The following PLCB4 variants were observed in gnomAD, a reference collection of about 807,000 sequenced individuals.
PLCB4 encodes the protein 1-phosphatidylinositol 4,5-bisphosphate phosphodiesterase beta-4.
In PLCB4, 77 loss-of-function variants were observed where a neutral mutation model predicts 178.8. That is an observed-to-expected ratio of 0.43 (90% CI 0.36 to 0.52). The LOEUF (loss-of-function observed/expected upper bound fraction) is 0.52. Among genes scored for constraint, PLCB4 ranks in the 20% least tolerant of loss-of-function variants. The pLI is 0.00. For missense variants in PLCB4, 1,024 were observed against 1,453.4 expected (o/e 0.70, Z 4.80); for synonymous variants, 496 against 490.8 (o/e 1.01, Z -0.14).
In PLCB4 at chr20:9,409,116, ATTACATGCCTCAGAT is replaced by A. The variant is rs2046594062; in HGVS notation, c.1937_1951del (p.Tyr646_Ile650del). The A allele has an allele frequency of 6.2e-7, 1 of 1,608,166 alleles. No homozygotes were observed. Among genetic ancestry groups the A allele is most frequent in the Non-Finnish European group, 8.5e-7 (1 of 1,178,678 alleles). On this transcript the variant is annotated inframe_deletion, in exon 24 of 40. Transcript: ENST00000378473. ...AAGGGAGGCCGAGTCGATTCCAGTA[ATTACATGCCTCAGAT>A]TTTCTGGAACGCTGGCTGCCAGATG...
intron 26 of PLCB4, among the ~76,000 whole-genome samples, chr20:9,420,559 C>T (rs2040561776): frequency 6.6e-6 from 1 of 152,076 alleles, no homozygotes; most frequent in Non-Finnish European, 1.5e-5. Flanking sequence ...AAACTCCTAA[C>T]CTCAGGTGAT....
chr20:9,303,993 T>C (rs1291872402), intron 3 of PLCB4, among the ~76,000 whole-genome samples: 1 of 152,060 alleles, frequency 6.6e-6, no homozygotes, highest in African/African-American at 2.4e-5. Context: ...TCCTCCCTTC[T>C]GCCCCCACCT....
At chr20:9,404,243 A>C (rs2039263825) in intron 20 of PLCB4, among the ~76,000 whole-genome samples, 1 of 152,332 alleles carries the variant, frequency 6.6e-6, no homozygotes, top group East Asian at 1.9e-4. Context: ...GGCCCTTCAC[A>C]GGAGCAGGAA....
chr20:9,242,486 A>G (rs1233868951), intron 3 of PLCB4, among the ~76,000 whole-genome samples: 5 of 152,254 alleles, frequency 3.3e-5, no homozygotes, highest in African/African-American at 1.2e-4. Flanking sequence ...CATGTGAGCA[A>G]TAAAGGGGAC....
chr20:9,188,399 G>T (rs566584684), intron 2 of PLCB4, among the ~76,000 whole-genome samples: 2 of 152,346 alleles, frequency 1.3e-5, no homozygotes, highest in Non-Finnish European at 2.9e-5. Flanking sequence ...CTTGGAGAGG[G>T]TTGGGGAGTA....
chr20:9,098,592 C>A (rs562056100), intron 2 of PLCB4, among the ~76,000 whole-genome samples: 78 of 149,788 alleles, frequency 5.2e-4, no homozygotes, highest in Non-Finnish European at 8.4e-4. Context: ...GCAATTAATT[C>A]GAAGGATGTC....
At chr20:9,204,875 A>G (rs1459651602) in intron 2 of PLCB4, among the ~76,000 whole-genome samples, 3 of 152,058 alleles carry the variant, frequency 2.0e-5, no homozygotes, top group African/African-American at 7.2e-5. Flanking sequence ...GTAGCAGACT[A>G]TACGTTGGAT....
At chr20:9,341,228 T>G (rs1392558301) in intron 7 of PLCB4, among the ~76,000 whole-genome samples, 1 of 152,116 alleles carries the variant, frequency 6.6e-6, no homozygotes, top group Non-Finnish European at 1.5e-5. Context: ...AAACATACCC[T>G]TGAGTAGATT....
chr20:9,377,786 C>G (rs974802906), intron 12 of PLCB4, among the ~76,000 whole-genome samples: 5 of 152,180 alleles, frequency 3.3e-5, no homozygotes, highest in Non-Finnish European at 5.9e-5. Flanking sequence ...ACATCTGAAA[C>G]ACTGAACATG....
At chr20:9,092,647 G>C (rs144380900) in intron 1 of PLCB4, among the ~76,000 whole-genome samples, 1 of 152,128 alleles carries the variant, frequency 6.6e-6, no homozygotes, top group African/African-American at 2.4e-5. Flanking sequence ...AGAAATGCAC[G>C]CTTGGGAATC....
At chr20:9,427,140 G>A (rs1196118431) in intron 28 of PLCB4, among the ~76,000 whole-genome samples, 1 of 152,094 alleles carries the variant, frequency 6.6e-6, no homozygotes, top group East Asian at 1.9e-4. Context: ...CACAAGAATT[G>A]ATTGTACCTG....
At chr20:9,096,724 G>A (rs1264731703) in intron 2 of PLCB4, among the ~76,000 whole-genome samples, 2 of 152,108 alleles carry the variant, frequency 1.3e-5, no homozygotes, top group African/African-American at 4.8e-5. Flanking sequence ...AATGGTCTGT[G>A]GCCAGTAAAA....
chr20:9,076,541 G>A (rs1029747448), intron 1 of PLCB4, among the ~76,000 whole-genome samples: 4 of 152,126 alleles, frequency 2.6e-5, no homozygotes. Flanking sequence ...GAGACACAGA[G>A]GTTCTCTTGC....
At chr20:9,109,957 GTTTAGCTTTCT>G (rs2091515129) in intron 2 of PLCB4, among the ~76,000 whole-genome samples, 1 of 152,090 alleles carries the variant, frequency 6.6e-6, no homozygotes, top group African/African-American at 2.4e-5. Context: ...TGGAGGCCCA[GTTTAGCTTTCT>G]TCTAGCCCTG....
intron 2 of PLCB4, among the ~76,000 whole-genome samples, chr20:9,162,787 T>C (rs6077499): frequency 0.22 from 34,094 of 151,998 alleles, 4,069 homozygotes; most frequent in African/African-American, 0.31. Flanking sequence ...GGTGCAATAT[T>C]AGCTCATTTA....
intron 9 of PLCB4, among the ~76,000 whole-genome samples, chr20:9,369,086 G>A (rs187767105): frequency 4.6e-5 from 7 of 152,128 alleles, no homozygotes; most frequent in East Asian, 1.9e-4. Flanking sequence ...CTATTTGTTG[G>A]CACCTGGCCA....
intron 2 of PLCB4, among the ~76,000 whole-genome samples, chr20:9,174,757 A>G (rs2147059185): frequency 6.6e-6 from 1 of 152,284 alleles, no homozygotes; most frequent in Admixed American, 6.5e-5. Context: ...ATACATTTTG[A>G]ACTTATGACT....
intron 1 of PLCB4, among the ~76,000 whole-genome samples, chr20:9,079,839 T>C (rs1024482478): frequency 6.6e-6 from 1 of 152,152 alleles, no homozygotes; most frequent in Non-Finnish European, 1.5e-5. Context: ...AAATTTTTTT[T>C]TTAGTTCCCT....
chr20:9,443,617 T>A (rs1391034986), intron 30 of PLCB4, among the ~76,000 whole-genome samples: 1 of 152,134 alleles, frequency 6.6e-6, no homozygotes, highest in Admixed American at 6.5e-5. Flanking sequence ...ACTGAAGAGC[T>A]CCCTGCAGGA....
Sources: allele counts gnomAD v4.1 joint callset (sites outside exome capture counted in the v4.1 genomes callset), GRCh38; gene constraint gnomAD v4.1.1; transcripts MANE v1.5; gene names NCBI Gene and HGNC (gene_info 2026-07-23, HGNC 2026-07-21).